ALCAM: variants seen among roughly 807,000 people sequenced by gnomAD.
ALCAM encodes the protein CD166 antigen.
A neutral mutation model predicts 70.9 loss-of-function variants in ALCAM; 30 were observed. The observed-to-expected ratio is 0.42, with a 90% confidence interval of 0.32 to 0.57. ALCAM has a LOEUF of 0.57. Ranked by LOEUF, ALCAM falls within the 20% of genes least tolerant of loss-of-function variation. The pLI, the probability that ALCAM is intolerant of heterozygous loss-of-function variation, is 0.11. For synonymous variants in ALCAM, 249 were observed against 242.5 expected (o/e 1.03, Z -0.25); for missense variants, 591 against 695.1 (o/e 0.85, Z 1.68).
At chr3:105,504,677 G>T (rs1488850502) in intron 1 of ALCAM, among the ~76,000 whole-genome samples, 1 of 152,000 alleles carries the variant, frequency 6.6e-6, no homozygotes, top group Non-Finnish European at 1.5e-5. Flanking sequence ...TCCTCCAGAC[G>T]ACCACCTGTG....
chr3:105,477,532 C>A (rs75395889), intron 1 of ALCAM, among the ~76,000 whole-genome samples: 1 of 151,930 alleles, frequency 6.6e-6, no homozygotes, highest in Non-Finnish European at 1.5e-5. Context: ...TATTTTCTGT[C>A]TTTGTTTTTT....
intron 1 of ALCAM, among the ~76,000 whole-genome samples, chr3:105,448,631 A>G (rs1222175791): frequency 2.0e-5 from 3 of 152,198 alleles, no homozygotes; most frequent in Non-Finnish European, 4.4e-5. Context: ...TCTGTAAGAA[A>G]GTCACTGACA....
chr3:105,432,469 A>G (rs1048989061), intron 1 of ALCAM, among the ~76,000 whole-genome samples: 1 of 152,176 alleles, frequency 6.6e-6, no homozygotes, highest in East Asian at 1.9e-4. Flanking sequence ...TTTGAAAAAG[A>G]TGTGAGCTTC....
chr3:105,381,489 A>G (rs537813747), intron 1 of ALCAM, among the ~76,000 whole-genome samples: 1 of 152,142 alleles, frequency 6.6e-6, no homozygotes, highest in Admixed American at 6.6e-5. Context: ...TTATCCATTA[A>G]TTGTTAGTAT....
intron 1 of ALCAM, among the ~76,000 whole-genome samples, chr3:105,475,732 G>T (rs1938090645): frequency 6.6e-6 from 1 of 151,844 alleles, no homozygotes; most frequent in Non-Finnish European, 1.5e-5. Flanking sequence ...TTTTAAAACT[G>T]GTAGCTCATA....
Position 105,524,339 on chromosome 3 carries a change from G to T in ALCAM, c.225G>T (p.Lys75Asn), listed in dbSNP as rs1449509102. 6.2e-7 allele frequency: 1 copy of T among 1,614,004 alleles called. No individual in the cohort carries two copies. Among genetic ancestry groups the T allele is most frequent in the Non-Finnish European group, 8.5e-7 (1 of 1,179,998 alleles). The change falls in exon 3 of 16, where the codon AAG (lysine) becomes AAT (asparagine). Residue 75 changes from lysine (K) to asparagine (N), a missense_variant. This residue lies in a region of ALCAM where 427 missense variants were observed against 450.4 expected (regional missense o/e 0.95). Transcript: ENST00000306107. ...TTATTGCCTTCAGATCCTCTACAAA[G>T]AAAAGTGTGCAGTACGACGATGTAC... Reference protein sequence around the residue: ...PVFIAFRSSTKKSVQYDDVPE... With the variant: ...PVFIAFRSSTNKSVQYDDVPE...
intron 1 of ALCAM, among the ~76,000 whole-genome samples, chr3:105,493,693 A>G (rs1011545771): frequency 1.3e-5 from 2 of 152,200 alleles, no homozygotes; most frequent in African/African-American, 4.8e-5. Context: ...AGAAAGTAAC[A>G]ATCTGCTGAC....
At chr3:105,548,582 T>G (rs926327073) in intron 11 of ALCAM, among the ~76,000 whole-genome samples, 7 of 151,580 alleles carry the variant, frequency 4.6e-5, no homozygotes, top group Middle Eastern at 6.8e-3. Flanking sequence ...GGATTTTGGC[T>G]CTTTCAACTA....
intron 1 of ALCAM, among the ~76,000 whole-genome samples, chr3:105,392,492 A>G (rs993808611): frequency 6.6e-6 from 1 of 150,782 alleles, no homozygotes; most frequent in African/African-American, 2.4e-5. Context: ...CTAGCAGGCT[A>G]TTTTATTATT....
chr3:105,407,593 G>T (rs1157381944), intron 1 of ALCAM, among the ~76,000 whole-genome samples: 1 of 152,120 alleles, frequency 6.6e-6, no homozygotes, highest in Non-Finnish European at 1.5e-5. Context: ...AGCCATCTAT[G>T]ACAAACCCAC....
chr3:105,428,027 T>G (rs1197348528), intron 1 of ALCAM, among the ~76,000 whole-genome samples: 1 of 151,958 alleles, frequency 6.6e-6, no homozygotes, highest in East Asian at 1.9e-4. Context: ...AAAAAATGTT[T>G]AATTTATTTT....
At chr3:105,479,841 A>G (rs1381287816) in intron 1 of ALCAM, among the ~76,000 whole-genome samples, 1 of 152,156 alleles carries the variant, frequency 6.6e-6, no homozygotes, top group Non-Finnish European at 1.5e-5. Flanking sequence ...AAATCCAATT[A>G]CACATACTGT....
At chr3:105,483,061 A>G (rs1320849112) in intron 1 of ALCAM, among the ~76,000 whole-genome samples, 1 of 152,190 alleles carries the variant, frequency 6.6e-6, no homozygotes, top group Admixed American at 6.6e-5. Flanking sequence ...AAATGAATTT[A>G]GATTTTGCCT....
chr3:105,545,420 G>T, intron 9 of ALCAM, 85 bp downstream of exon 9: 3 of 867,438 alleles, frequency 3.5e-6, no homozygotes, highest in Admixed American at 1.9e-5. Context: ...ATTCAAGTAG[G>T]TATATTCATG....
intron 1 of ALCAM, among the ~76,000 whole-genome samples, chr3:105,508,432 A>C (rs572616225): frequency 6.6e-6 from 1 of 152,280 alleles, no homozygotes; most frequent in Admixed American, 6.5e-5. Flanking sequence ...AAAATGAAGG[A>C]TAATAATATT....
At chr3:105,470,908 A>G (rs1388836968) in intron 1 of ALCAM, among the ~76,000 whole-genome samples, 1 of 151,292 alleles carries the variant, frequency 6.6e-6, no homozygotes, top group Admixed American at 6.6e-5. Flanking sequence ...CTTTAAATTC[A>G]TGAGGAAATT....
At chr3:105,522,154 C>A (rs1299301563) in intron 2 of ALCAM, among the ~76,000 whole-genome samples, 1 of 152,162 alleles carries the variant, frequency 6.6e-6, no homozygotes, top group Non-Finnish European at 1.5e-5. Context: ...TAACACAGTT[C>A]AGTAAACTGA....
intron 1 of ALCAM, among the ~76,000 whole-genome samples, chr3:105,444,469 C>T (rs980122652): frequency 2.6e-5 from 4 of 151,906 alleles, no homozygotes; most frequent in African/African-American, 9.7e-5. Flanking sequence ...AATCACTGCC[C>T]ACTTGGTCCC....
chr3:105,544,936 A>C (rs1940208200), intron 8 of ALCAM: 13 of 296,210 alleles, frequency 4.4e-5, no homozygotes, highest in South Asian at 4.3e-4. Context: ...TTAAGGTGAT[A>C]GGCCCTAGGG....
Sources: allele counts gnomAD v4.1 joint callset (sites outside exome capture counted in the v4.1 genomes callset), GRCh38; gene constraint gnomAD v4.1.1; regional missense constraint gnomAD v4.1.1; transcripts MANE v1.5; gene names NCBI Gene and HGNC (gene_info 2026-07-23, HGNC 2026-07-21).